Variants in DNAH2 observed in about 807,000 individuals in gnomAD.
DNAH2 encodes the protein dynein axonemal heavy chain 2.
In DNAH2, 323 loss-of-function variants were observed where a neutral mutation model predicts 523.5. The observed-to-expected ratio is 0.62, with a 90% CI of 0.56 to 0.68. The LOEUF is 0.68. Ranked by LOEUF, DNAH2 falls within the 30% of genes least tolerant of loss-of-function variation. The pLI is 0.00. For missense variants in DNAH2, 4,907 were observed against 5,701.5 expected (o/e 0.86, Z 4.49); for synonymous variants, 2,093 against 2,177.4 (o/e 0.96, Z 1.08).
chr17:7,742,882 G>GAAA, intron 11 of DNAH2, 46 bp from the exon 12 acceptor site: 1 of 1,276,780 alleles, frequency 7.8e-7, no homozygotes, highest in South Asian at 3.1e-5. Context: ...GGCCCCTGGA[G>GAAA]GAAGGTGGCA....
chr17:7,732,029 CAAAAAA>C (rs35844931), intron 4 of DNAH2, among the ~76,000 whole-genome samples: 1 of 118,208 alleles, frequency 8.5e-6, no homozygotes. Context: ...AACTTCGTCT[CAAAAAA>C]AAAAAAAAAA....
Position 7,740,493 on chromosome 17 carries a change from G to C in DNAH2, c.1450G>C (p.Asp484His). ...LITSAFELVR[D>H]VPHGVLLLDT... ...CACCTCAGCCTTCGAGTTGGTGCGG[G>C]ACGTGCCGCACGGCGTGCTTCTGCT... Residue 484 changes from aspartate to histidine, a missense_variant, in exon 10 of 86, where the codon GAC becomes CAC. Physicochemically the swap from Asp to His is moderately conservative, Grantham distance 81. Around this residue, in one of 3 missense-constraint regions of DNAH2, gnomAD observed 2,806 missense variants for 3,190.8 expected, o/e 0.88. Coordinates refer to ENST00000572933, the MANE Select transcript of DNAH2 (RefSeq NM_020877.5). The C allele has an allele frequency of 6.2e-7, 1 of 1,614,208 alleles. No homozygotes were observed. Among genetic ancestry groups the C allele is most frequent in the Non-Finnish European group, 8.5e-7 (1 of 1,180,032 alleles).
At position 7,779,335 on chromosome 17, in the gene DNAH2, C is replaced by G; in HGVS notation, c.5634C>G (p.Ala1878=). ...VAHQILCILS[A]LAAGLTHFHF... ...ACCAGATCCTGTGCATCCTGTCTGC[C>G]CTGGCTGCCGGCCTCACCCATTTCC... The change falls in exon 36 of 86, where the codon GCC becomes GCG. Residue 1878 remains alanine (A), a synonymous_variant. Transcript: ENST00000572933. 6.2e-7 allele frequency: 1 copy of G among 1,614,150 alleles called. No individual in the cohort carries two copies. The highest frequency in any genetic ancestry group is 8.5e-7 in the Non-Finnish European group (1 of 1,180,046).
At chr17:7,804,934 C>A in intron 59 of DNAH2, 24 bp from the exon 60 acceptor site, 1 of 1,602,932 alleles carries the variant, frequency 6.2e-7, no homozygotes, top group Non-Finnish European at 8.5e-7. Flanking sequence ...AGACAAAAAA[C>A]CCTTGTCCTT....
At chr17:7,768,141 TCA>T (rs2076222036) in intron 23 of DNAH2, 21 bp from the exon 24 acceptor site, 1 of 1,614,104 alleles carries the variant, frequency 6.2e-7, no homozygotes, top group Non-Finnish European at 8.5e-7. Context: ...TCGGGTCTTC[TCA>T]TGCCCCCAAC....
chr17:7,831,115 C>T lies in DNAH2; in HGVS notation c.12260C>T (p.Pro4087Leu). Residue 4087 changes from proline to leucine, a missense_variant, in exon 80 of 86, where the codon CCC becomes CTC. By Grantham distance (98) the Pro-to-Leu change is moderately conservative. Coordinates refer to ENST00000572933, the MANE Select transcript of DNAH2 (RefSeq NM_020877.5). This position sits in a 1 kb window ranked among gnomAD's most constrained non-coding sequence, Gnocchi z 4.2. Reference sequence around the variant, plus strand: ...TCAGCACTGGAGACTTATTTCATCCCCAAGGATGGCAGCCTCGCTTCTTAC... The same window carrying T: ...TCAGCACTGGAGACTTATTTCATCCTCAAGGATGGCAGCCTCGCTTCTTAC... ...RLSALETYFI[P>L]KDGSLASYKE... 6.2e-7 allele frequency: 1 copy of T among 1,613,876 alleles called. No homozygotes were observed. The highest frequency in any genetic ancestry group is 8.5e-7 in the Non-Finnish European group (1 of 1,180,018).
chr17:7,797,568 C>G, intron 52 of DNAH2, 38 bp downstream of exon 52: 3 of 1,614,068 alleles, frequency 1.9e-6, no homozygotes, highest in Non-Finnish European at 2.5e-6. Flanking sequence ...GCTTGACACT[C>G]TTAGAACATC....
Position 7,786,149 on chromosome 17 carries a change from T to C in DNAH2, c.6155T>C (p.Ile2052Thr). 6.2e-7 allele frequency: 1 copy of C among 1,613,952 alleles called. No individual in the cohort carries two copies. Among genetic ancestry groups the C allele is most frequent in the Non-Finnish European group, 8.5e-7 (1 of 1,179,990 alleles). The change falls in exon 40 of 86, where the codon ATT becomes ACT. Residue 2052 changes from isoleucine to threonine, a missense_variant. Transcript: ENST00000572933. This position sits in a 1 kb window ranked among gnomAD's most constrained non-coding sequence, Gnocchi z 7.5. ...CTGCGGGAGACCGTTGAGCAGGAGA[T>C]TCGAGACATGGGCCTGCAAAGCACG... ...GKLRETVEQE[I>T]RDMGLQSTPF...
At chr17:7,751,950 T>TGTGC (rs2075696279) in intron 12 of DNAH2, among the ~76,000 whole-genome samples, 1 of 147,378 alleles carries the variant, frequency 6.8e-6, no homozygotes, top group African/African-American at 2.5e-5. Context: ...TGTGTGTGCG[T>TGTGC]GTTTTGAGAC....
intron 42 of DNAH2, chr17:7,787,297 G>C: frequency 1.8e-6 from 1 of 542,756 alleles, no homozygotes; most frequent in African/African-American, 1.9e-5. Flanking sequence ...CGTTCTCACG[G>C]ATGCATGAGG....
At chr17:7,779,016 A>C (rs1199343613) in intron 35 of DNAH2, among the ~76,000 whole-genome samples, 2 of 152,212 alleles carry the variant, frequency 1.3e-5, no homozygotes, top group African/African-American at 2.4e-5. Context: ...TCCCTACCCC[A>C]GTCTCTTTCC....
Position 7,817,987 on chromosome 17 carries a change from A to T in DNAH2, c.10278A>T (p.Arg3426=), listed in dbSNP as rs1243075441. Residue 3426 remains arginine, a synonymous_variant, in exon 68 of 86, where the codon CGA becomes CGT. Transcript: ENST00000572933. ...IIDLQMSDYL[R]ILEHAIHFGY... The stretch of plus-strand genomic sequence containing the variant: ...ACCTGCAGATGAGCGATTACCTGCG[A>T]ATCCTAGAACACGCCATTCACTTTG... 4 of 1,613,920 alleles carry T rather than the reference A, an allele frequency of 2.5e-6. No individual in the cohort carries two copies. The East Asian group carries it at 8.9e-5, about 36-fold the overall frequency.
intron 56 of DNAH2, 99 bp from the exon 57 acceptor site, chr17:7,801,479 T>C: frequency 6.5e-7 from 1 of 1,543,854 alleles, no homozygotes; most frequent in Non-Finnish European, 8.8e-7. Flanking sequence ...GATGGGGCAT[T>C]TTAGGTTCTT....
At chr17:7,775,999 G>A (rs200407955) in intron 30 of DNAH2, 25 bp from the exon 31 acceptor site, 131 of 1,612,884 alleles carry the variant, frequency 8.1e-5, no homozygotes, top group Middle Eastern at 3.3e-4. Context: ...AGGCTGAGCT[G>A]CCCTATTCTC....
intron 58 of DNAH2, among the ~76,000 whole-genome samples, chr17:7,803,869 T>C (rs2077289718): frequency 6.6e-6 from 1 of 152,146 alleles, no homozygotes; most frequent in Non-Finnish European, 1.5e-5. Context: ...CCCACATTCA[T>C]TCCCATAGGG....
At chr17:7,787,504 G>A (rs1350611291) in intron 42 of DNAH2, 1 of 247,780 alleles carries the variant, frequency 4.0e-6, no homozygotes, top group East Asian at 9.6e-5. Flanking sequence ...GGAGGCCAAG[G>A]TGGGCAGATC....
chr17:7,805,120 C>T (rs775416368), intron 60 of DNAH2, 46 bp downstream of exon 60: 9 of 1,600,232 alleles, frequency 5.6e-6, no homozygotes, highest in African/African-American at 5.4e-5. Flanking sequence ...CGCGAGGCCC[C>T]GGGGAAGGGA....
At chr17:7,805,994 A>G (rs2077357144) in intron 61 of DNAH2, among the ~76,000 whole-genome samples, 1 of 152,254 alleles carries the variant, frequency 6.6e-6, no homozygotes, top group African/African-American at 2.4e-5. Flanking sequence ...GAAATTTTTA[A>G]AAAGATTATT....
chr17:7,825,194 C>T (rs889300855), intron 77 of DNAH2, among the ~76,000 whole-genome samples: 11 of 152,234 alleles, frequency 7.2e-5, no homozygotes, highest in Admixed American at 6.5e-4. Context: ...TCCTTTCCTC[C>T]GACTCTACTG....
Sources: allele counts gnomAD v4.1 joint callset (sites outside exome capture counted in the v4.1 genomes callset), GRCh38; gene constraint gnomAD v4.1.1; regional missense constraint gnomAD v4.1.1; non-coding constraint Gnocchi (gnomAD v3.1); transcripts MANE v1.5; gene names NCBI Gene and HGNC (gene_info 2026-07-23, HGNC 2026-07-21).